Variants in HECW1 observed in about 807,000 individuals in gnomAD.
HECW1 encodes the protein E3 ubiquitin-protein ligase HECW1.
A neutral mutation model predicts 182.3 loss-of-function variants in HECW1; 61 were observed. The observed-to-expected ratio is 0.33, with a 90% CI of 0.27 to 0.41. The LOEUF is 0.41. HECW1 is among the 10% of genes least tolerant of loss of function. The pLI is 1.00. For synonymous variants in HECW1, 859 were observed against 832.6 expected, an observed-to-expected ratio of 1.03 and a Z score of -0.55; for missense variants, 1,739 against 2,108.9, an observed-to-expected ratio of 0.82 and a Z score of 3.44.
chr7:43,290,853 C>G (rs1158621392), intron 3 of HECW1, among the ~76,000 whole-genome samples: 2 of 152,130 alleles, frequency 1.3e-5, no homozygotes, highest in Non-Finnish European at 2.9e-5. Context: ...GACCTAAGAG[C>G]CATGGTGGAA....
chr7:43,532,357 A>G (rs375786025), intron 24 of HECW1, among the ~76,000 whole-genome samples: 2 of 152,010 alleles, frequency 1.3e-5, no homozygotes. Flanking sequence ...CTCTTGCCAG[A>G]CTCACCTCTC....
intron 3 of HECW1, chr7:43,258,756 G>A (rs1432730717): frequency 6.6e-6 from 1 of 152,200 alleles, no homozygotes; most frequent in East Asian, 1.9e-4. Flanking sequence ...TGTTGGCCCT[G>A]TCGTTTTTGG....
chr7:43,561,769 G>C, intron 29 of HECW1, 46 bp from the exon 30 acceptor site: 3 of 1,287,466 alleles, frequency 2.3e-6, no homozygotes, highest in South Asian at 1.2e-5. Context: ...AGAACCAGTT[G>C]TATCATTGAA....
chr7:43,506,039 T>A (rs2079565272), intron 21 of HECW1, among the ~76,000 whole-genome samples: 1 of 152,228 alleles, frequency 6.6e-6, no homozygotes. Context: ...TTAAAAGGTA[T>A]ATATAGTAAA....
chr7:43,521,848 A>G (rs1371023108), intron 24 of HECW1, among the ~76,000 whole-genome samples: 1 of 152,178 alleles, frequency 6.6e-6, no homozygotes, highest in East Asian at 1.9e-4. Flanking sequence ...CTCCAGCCTG[A>G]GCAACAAAAG....
At chr7:43,124,605 C>T (rs1273178437) in intron 2 of HECW1, among the ~76,000 whole-genome samples, 1 of 152,178 alleles carries the variant, frequency 6.6e-6, no homozygotes, top group Admixed American at 6.5e-5. Flanking sequence ...TGCTCTGCAG[C>T]ACTTTTTGCT....
intron 5 of HECW1, among the ~76,000 whole-genome samples, chr7:43,338,714 C>T (rs1048837227): frequency 2.0e-5 from 3 of 152,076 alleles, no homozygotes; most frequent in African/African-American, 4.8e-5. Flanking sequence ...AACTCTTTCA[C>T]GTAAACAGCG....
At chr7:43,527,093 C>T (rs1030904946) in intron 24 of HECW1, among the ~76,000 whole-genome samples, 2 of 152,314 alleles carry the variant, frequency 1.3e-5, no homozygotes, top group African/African-American at 2.4e-5. Context: ...TAATTCTGGG[C>T]TTGGAACTAG....
intron 6 of HECW1, among the ~76,000 whole-genome samples, chr7:43,368,502 T>C (rs1816920579): frequency 6.6e-6 from 1 of 152,224 alleles, no homozygotes; most frequent in African/African-American, 2.4e-5. Flanking sequence ...ACATTTGCTT[T>C]TTGGGCAAGG....
chr7:43,522,969 G>A (rs2152940182), intron 24 of HECW1: 1 of 422,054 alleles, frequency 2.4e-6, no homozygotes, highest in Non-Finnish European at 4.7e-6. Flanking sequence ...TCTTTGTACT[G>A]TGTGTTCTCT....
intron 3 of HECW1, among the ~76,000 whole-genome samples, chr7:43,273,939 C>T (rs1485250542): frequency 1.3e-5 from 2 of 151,686 alleles, no homozygotes; most frequent in Non-Finnish European, 2.9e-5. Context: ...GCAATCTCCA[C>T]CTCCCGGGTT....
intron 5 of HECW1, among the ~76,000 whole-genome samples, chr7:43,342,747 C>T (rs1436932936): frequency 6.6e-6 from 1 of 151,680 alleles, no homozygotes; most frequent in African/African-American, 2.4e-5. Context: ...ACATAGAGGC[C>T]GGGCATGGTG....
chr7:43,394,685 A>G (rs2075164325), intron 6 of HECW1, among the ~76,000 whole-genome samples: 1 of 152,230 alleles, frequency 6.6e-6, no homozygotes. Flanking sequence ...CAGTTTCCTG[A>G]GGAAGGAATT....
chr7:43,483,939 A>T (rs890410853), intron 17 of HECW1, among the ~76,000 whole-genome samples: 2 of 152,110 alleles, frequency 1.3e-5, no homozygotes, highest in Non-Finnish European at 2.9e-5. Flanking sequence ...GCTAGAGACC[A>T]CTGCCACAAT....
intron 7 of HECW1, among the ~76,000 whole-genome samples, chr7:43,402,644 G>T (rs1584780644): frequency 1.3e-5 from 2 of 152,170 alleles, no homozygotes; most frequent in Non-Finnish European, 1.5e-5. Context: ...GAAAACTCGA[G>T]AATTGGGGAC....
At position 43,563,959 on chromosome 7, in the gene HECW1, C is replaced by G. The variant is rs1227352366; in HGVS notation, c.*2033C>G. 1.1e-5 allele frequency: 2 copies of G among 187,004 alleles called. No homozygotes were observed. Among genetic ancestry groups the G allele is most frequent in the African/African-American group, 4.7e-5 (2 of 42,646 alleles). 11.6% of individuals were successfully genotyped at this position (187,004 alleles called of 1,614,324 possible). ...TTGCAGCGATGTGTCCGTTGTCAATCAAGGAGTATACATTATAGAAATTTA... is the reference window on the plus strand; with the variant it reads ...TTGCAGCGATGTGTCCGTTGTCAATGAAGGAGTATACATTATAGAAATTTA... On this transcript the variant is annotated 3_prime_UTR_variant, in exon 30 of 30. Transcript: ENST00000395891.
At chr7:43,481,557 A>G (rs2078434373) in intron 17 of HECW1, among the ~76,000 whole-genome samples, 1 of 152,236 alleles carries the variant, frequency 6.6e-6, no homozygotes, top group South Asian at 2.1e-4. Flanking sequence ...AACCATGGAC[A>G]CCACTTGCAT....
chr7:43,233,018 G>A (rs1562709351), intron 2 of HECW1, among the ~76,000 whole-genome samples: 1 of 152,016 alleles, frequency 6.6e-6, no homozygotes, highest in Non-Finnish European at 1.5e-5. Context: ...TGCCCCTCTG[G>A]CTCATAGTTC....
At chr7:43,179,122 A>G (rs772578658) in intron 2 of HECW1, among the ~76,000 whole-genome samples, 10 of 152,242 alleles carry the variant, frequency 6.6e-5, no homozygotes, top group Non-Finnish European at 8.8e-5. Flanking sequence ...GTGAGAAAAC[A>G]TCAAAGTTGT....
Sources: gnomAD v4.1 joint callset for allele counts (sites outside exome capture counted in the v4.1 genomes callset) on GRCh38, gnomAD v4.1.1 for gene constraint, MANE v1.5 for transcripts, NCBI Gene and HGNC (gene_info 2026-07-23, HGNC 2026-07-21) for gene names.